SLC22A3: variants seen among roughly 807,000 people sequenced by gnomAD.
The protein encoded by SLC22A3 is EMT organic cation transporter 3.
A neutral mutation model predicts 59.1 loss-of-function variants in SLC22A3; 51 were observed. The observed-to-expected ratio is 0.86, with a 90% CI of 0.69 to 1.09. SLC22A3 has a LOEUF of 1.09. SLC22A3 is among the 50% of genes least tolerant of loss of function. SLC22A3 has a pLI of 0.00. For synonymous variants in SLC22A3, 325 were observed against 292.0 expected (o/e 1.11, Z -1.15); for missense variants, 711 against 726.3 (o/e 0.98, Z 0.24).
intron 3 of SLC22A3, among the ~76,000 whole-genome samples, chr6:160,407,796 T>G (rs1452120421): frequency 2.6e-5 from 4 of 152,214 alleles, no homozygotes; most frequent in Non-Finnish European, 4.4e-5. Flanking sequence ...CTACTCCTTT[T>G]GGTTCCATTT....
At chr6:160,403,239 T>A (rs926898039) in intron 2 of SLC22A3, among the ~76,000 whole-genome samples, 1 of 151,528 alleles carries the variant, frequency 6.6e-6, no homozygotes, top group African/African-American at 2.4e-5. Context: ...CCATGGACAT[T>A]AACAGGATAA....
chr6:160,432,342 G>A (rs895388156), intron 5 of SLC22A3, among the ~76,000 whole-genome samples: 4 of 152,022 alleles, frequency 2.6e-5, no homozygotes, highest in Non-Finnish European at 4.4e-5. Context: ...GAAAGAGAAG[G>A]AAGTCAACAA....
intron 7 of SLC22A3, among the ~76,000 whole-genome samples, chr6:160,440,009 A>G (rs1476108794): frequency 1.3e-5 from 2 of 152,140 alleles, no homozygotes; most frequent in Non-Finnish European, 2.9e-5. Flanking sequence ...AACCAGCTCT[A>G]AAATAGTCTC....
At chr6:160,402,235 GC>G (rs1229225276) in intron 2 of SLC22A3, among the ~76,000 whole-genome samples, 1 of 151,878 alleles carries the variant, frequency 6.6e-6, no homozygotes, top group Non-Finnish European at 1.5e-5. Context: ...AGCAGAAGTA[GC>G]TATACTATTA....
intron 1 of SLC22A3, among the ~76,000 whole-genome samples, chr6:160,362,684 C>T (rs1008597745): frequency 6.6e-6 from 1 of 152,294 alleles, no homozygotes; most frequent in South Asian, 2.1e-4. Flanking sequence ...GCGGGCCAGA[C>T]GGTGCGGAGG....
chr6:160,400,054 C>T (rs917118668), intron 2 of SLC22A3, among the ~76,000 whole-genome samples: 5 of 147,106 alleles, frequency 3.4e-5, no homozygotes, highest in Non-Finnish European at 5.9e-5. Flanking sequence ...TCTAGAGGGA[C>T]TCACTCAAAG....
chr6:160,423,116 A>C (rs1486226930), intron 5 of SLC22A3, among the ~76,000 whole-genome samples: 1 of 152,164 alleles, frequency 6.6e-6, no homozygotes, highest in Non-Finnish European at 1.5e-5. Flanking sequence ...TTTGCTGAGA[A>C]TGATGGTTTC....
At chr6:160,380,487 T>C (rs1361028312) in intron 1 of SLC22A3, among the ~76,000 whole-genome samples, 1 of 152,118 alleles carries the variant, frequency 6.6e-6, no homozygotes, top group Non-Finnish European at 1.5e-5. Context: ...ATTCACAGAC[T>C]CACAAATCAT....
intron 1 of SLC22A3, among the ~76,000 whole-genome samples, chr6:160,353,290 TA>T (rs1394145612): frequency 2.0e-5 from 3 of 152,182 alleles, no homozygotes; most frequent in African/African-American, 4.8e-5. Context: ...TGTGCAAGAG[TA>T]TCTCCTGCTC....
intron 7 of SLC22A3, among the ~76,000 whole-genome samples, chr6:160,440,051 C>T (rs896142713): frequency 6.6e-6 from 1 of 152,230 alleles, no homozygotes; most frequent in Non-Finnish European, 1.5e-5. Context: ...TTTCCCTCCA[C>T]TCGACCCAAC....
intron 5 of SLC22A3, among the ~76,000 whole-genome samples, chr6:160,422,132 A>G (rs868493747): frequency 2.1e-4 from 32 of 152,224 alleles, no homozygotes; most frequent in South Asian, 4.1e-4. Context: ...CCCACCAGGA[A>G]AATTATCTTT....
At chr6:160,394,450 A>G (rs1786390849) in intron 1 of SLC22A3, among the ~76,000 whole-genome samples, 1 of 152,216 alleles carries the variant, frequency 6.6e-6, no homozygotes, top group South Asian at 2.1e-4. Context: ...GCTGATTAGG[A>G]AGCGTCAGCC....
At position 160,407,285 on chromosome 6, in the gene SLC22A3, T is replaced by G. The variant is rs928341624; in HGVS notation, c.688+90T>G. On this transcript the variant is annotated intron_variant, in intron 3 of 10. Coordinates refer to ENST00000275300, the MANE Select transcript of SLC22A3 (RefSeq NM_021977.4). The stretch of plus-strand genomic sequence containing the variant: ...TTAATCAACCTTCCTCTTCCTCATG[T>G]GTCCTTTAACAAAGGAGGTTTCACT... 22 of 1,358,944 alleles carry G rather than the reference T, an allele frequency of 1.6e-5. No homozygotes were observed. In the African/African-American group the frequency reaches 2.3e-4, roughly 14 times the overall value. 84.2% of individuals were successfully genotyped at this position (1,358,944 alleles called of 1,614,324 possible). A position where few individuals can be genotyped will look rare whatever the true frequency, so the allele number is the denominator to read the frequency against.
chr6:160,401,073 CA>C (rs981507137), intron 2 of SLC22A3, among the ~76,000 whole-genome samples: 43 of 141,596 alleles, frequency 3.0e-4, no homozygotes, highest in African/African-American at 1.1e-3. Context: ...GGGACAATTA[CA>C]AAAGATATAA....
At chr6:160,440,195 T>G (rs1448735558) in intron 7 of SLC22A3, among the ~76,000 whole-genome samples, 2 of 152,242 alleles carry the variant, frequency 1.3e-5, no homozygotes, top group Admixed American at 6.5e-5. Context: ...CCTTTCTTTA[T>G]CCATACCTGT....
At chr6:160,414,018 T>G (rs541102670) in intron 5 of SLC22A3, among the ~76,000 whole-genome samples, 19 of 152,348 alleles carry the variant, frequency 1.2e-4, no homozygotes, top group Admixed American at 4.6e-4. Context: ...AGTCTAAATT[T>G]TGTTGATTAT....
intron 5 of SLC22A3, among the ~76,000 whole-genome samples, chr6:160,429,407 C>G (rs931091104): frequency 6.6e-6 from 1 of 152,162 alleles, no homozygotes; most frequent in African/African-American, 2.4e-5. Context: ...GCTAGACAAG[C>G]AGCTACTAAC....
chr6:160,429,858 A>G (rs938388834), intron 5 of SLC22A3, among the ~76,000 whole-genome samples: 1 of 152,196 alleles, frequency 6.6e-6, no homozygotes, highest in African/African-American at 2.4e-5. Flanking sequence ...TTAAAAAAAA[A>G]AAAGGCAGAG....
intron 1 of SLC22A3, among the ~76,000 whole-genome samples, chr6:160,353,472 G>A (rs1023582527): frequency 2.0e-5 from 3 of 152,186 alleles, no homozygotes; most frequent in African/African-American, 7.2e-5. Context: ...TGATGACAGT[G>A]GCTGTGGGTG....
Sources: gnomAD v4.1 joint callset for allele counts (sites outside exome capture counted in the v4.1 genomes callset) on GRCh38, gnomAD v4.1.1 for gene constraint, MANE v1.5 for transcripts, NCBI Gene and HGNC (gene_info 2026-07-23, HGNC 2026-07-21) for gene names.